The following LRP1B variants were observed in gnomAD, a reference collection of about 807,000 sequenced individuals.
LRP1B encodes the protein low-density lipoprotein receptor-related protein 1B.
LRP1B carries 217 observed loss-of-function variants against 556.6 expected under a neutral mutation model. That is an observed-to-expected ratio of 0.39 (90% CI 0.35 to 0.44). The LOEUF (loss-of-function observed/expected upper bound fraction) is 0.44, where lower values mean the gene tolerates loss of function less well. Ranked by LOEUF, LRP1B falls within the 20% of genes least tolerant of loss-of-function variation. The pLI is 1.00. For missense variants in LRP1B, 5,053 were observed against 5,620.8 expected (o/e 0.90, Z 3.23); for synonymous variants, 2,047 against 1,865.8 (o/e 1.10, Z -2.50).
At chr2:140,312,519 CA>C (rs1684345486) in intron 83 of LRP1B, among the ~76,000 whole-genome samples, 1 of 151,792 alleles carries the variant, frequency 6.6e-6, no homozygotes, top group Non-Finnish European at 1.5e-5. Context: ...CTGTTAACAG[CA>C]AAAATGTCTT....
At chr2:141,175,691 C>G (rs1680702334) in intron 7 of LRP1B, among the ~76,000 whole-genome samples, 1 of 152,102 alleles carries the variant, frequency 6.6e-6, no homozygotes, top group African/African-American at 2.4e-5. Context: ...AGCTCCCACA[C>G]AGAGTCCCCA....
intron 1 of LRP1B, among the ~76,000 whole-genome samples, chr2:141,971,219 A>C (rs1238058996): frequency 6.6e-6 from 1 of 151,532 alleles, no homozygotes; most frequent in Non-Finnish European, 1.5e-5. Context: ...GTCTCTTACT[A>C]ATATTTCACA....
intron 2 of LRP1B, among the ~76,000 whole-genome samples, chr2:141,504,885 T>C (rs1001468326): frequency 1.3e-5 from 2 of 152,152 alleles, no homozygotes; most frequent in Admixed American, 6.6e-5. Flanking sequence ...GACTTAGTTC[T>C]TCAGTCTCAC....
At chr2:141,531,805 G>A (rs1684884219) in intron 2 of LRP1B, among the ~76,000 whole-genome samples, 1 of 152,082 alleles carries the variant, frequency 6.6e-6, no homozygotes, top group African/African-American at 2.4e-5. Flanking sequence ...AATAAAAACT[G>A]TTGAATATAC....
intron 3 of LRP1B, among the ~76,000 whole-genome samples, chr2:141,314,907 T>C (rs939478573): frequency 1.4e-4 from 21 of 146,080 alleles, no homozygotes; most frequent in African/African-American, 4.7e-4. Context: ...TATATATATA[T>C]ATACACATAT....
chr2:141,515,987 C>T (rs1684300766), intron 2 of LRP1B, among the ~76,000 whole-genome samples: 2 of 152,238 alleles, frequency 1.3e-5, no homozygotes, highest in South Asian at 4.1e-4. Context: ...CATATATTGT[C>T]TGTGATGATT....
chr2:140,781,678 C>A (rs558129826), intron 32 of LRP1B, among the ~76,000 whole-genome samples: 27 of 152,240 alleles, frequency 1.8e-4, no homozygotes, highest in African/African-American at 5.5e-4. Context: ...AGAAAATAGT[C>A]ACGGTTCAAT....
At chr2:141,473,420 A>G (rs1297326556) in intron 3 of LRP1B, among the ~76,000 whole-genome samples, 1 of 152,166 alleles carries the variant, frequency 6.6e-6, no homozygotes, top group Non-Finnish European at 1.5e-5. Flanking sequence ...TATTCTTTCT[A>G]GAAATTGTTG....
chr2:141,890,899 T>C (rs368097255), intron 1 of LRP1B, among the ~76,000 whole-genome samples: 55 of 152,264 alleles, frequency 3.6e-4, no homozygotes, highest in African/African-American at 1.2e-3. Context: ...TATTACAAAA[T>C]GCTGGCTATG....
At chr2:140,272,894 A>C (rs549608846) in intron 85 of LRP1B, among the ~76,000 whole-genome samples, 3 of 152,078 alleles carry the variant, frequency 2.0e-5, no homozygotes, top group Admixed American at 6.6e-5. Context: ...TTATATATAC[A>C]TTTCCAAAAA....
chr2:140,551,346 G>T (rs1295474477), intron 43 of LRP1B, among the ~76,000 whole-genome samples: 2 of 152,148 alleles, frequency 1.3e-5, no homozygotes, highest in Non-Finnish European at 2.9e-5. Flanking sequence ...GCAAAGAGGA[G>T]GGGGACTGGG....
intron 7 of LRP1B, among the ~76,000 whole-genome samples, chr2:141,076,576 T>C (rs1350787654): frequency 6.6e-6 from 1 of 152,190 alleles, no homozygotes; most frequent in Non-Finnish European, 1.5e-5. Context: ...GCAATTCTTG[T>C]TTCTAAAATT....
intron 3 of LRP1B, among the ~76,000 whole-genome samples, chr2:141,394,643 A>T (rs1451489767): frequency 6.6e-6 from 1 of 152,092 alleles, no homozygotes; most frequent in East Asian, 1.9e-4. Flanking sequence ...GCACATGTGA[A>T]AGGAATTTTG....
At chr2:141,391,072 C>T (rs375204011) in intron 3 of LRP1B, among the ~76,000 whole-genome samples, 3 of 151,730 alleles carry the variant, frequency 2.0e-5, no homozygotes, top group Admixed American at 6.6e-5. Flanking sequence ...GAATGAAGGG[C>T]GGTTGAGGGG....
chr2:142,015,319 A>T lies in LRP1B; in HGVS notation c.82+115329T>A, dbSNP rs1217781935. Reference sequence around the variant, plus strand: ...TGGGGTTGGGAAATTGGCTAGCGATATGCAGAAAACTGAAACTGGACCCCT... The same window carrying T: ...TGGGGTTGGGAAATTGGCTAGCGATTTGCAGAAAACTGAAACTGGACCCCT... On this transcript the variant is annotated intron_variant, in intron 1 of 90. Coordinates refer to ENST00000389484, the MANE Select transcript of LRP1B (RefSeq NM_018557.3). 2.0e-5 allele frequency among the ~76,000 whole-genome samples: 3 copies of T among 152,334 alleles called. No individual in the cohort carries two copies. In the East Asian group the frequency reaches 5.8e-4, roughly 29 times the overall value.
At chr2:141,501,607 C>T (rs903949476) in intron 2 of LRP1B, among the ~76,000 whole-genome samples, 1 of 152,102 alleles carries the variant, frequency 6.6e-6, no homozygotes, top group African/African-American at 2.4e-5. Context: ...GTGGTGATAA[C>T]TTGGTTTTCT....
At chr2:141,958,273 C>A (rs1255222412) in intron 1 of LRP1B, among the ~76,000 whole-genome samples, 3 of 151,976 alleles carry the variant, frequency 2.0e-5, no homozygotes, top group African/African-American at 7.2e-5. Context: ...AGCTGGGTGG[C>A]ACAGTAAATG....
At chr2:140,510,588 C>T (rs917304353) in intron 51 of LRP1B, among the ~76,000 whole-genome samples, 6 of 152,156 alleles carry the variant, frequency 3.9e-5, no homozygotes, top group Non-Finnish European at 8.8e-5. Context: ...TTTGCATGCT[C>T]AACTGGGAGT....
chr2:140,600,666 A>C (rs1446036318), intron 42 of LRP1B, among the ~76,000 whole-genome samples: 1 of 150,970 alleles, frequency 6.6e-6, no homozygotes, highest in Non-Finnish European at 1.5e-5. Context: ...AATAAAAAGA[A>C]TTTTCTTATA....
Sources: allele counts gnomAD v4.1 joint callset (sites outside exome capture counted in the v4.1 genomes callset), GRCh38; gene constraint gnomAD v4.1.1; transcripts MANE v1.5; gene names NCBI Gene and HGNC (gene_info 2026-07-23, HGNC 2026-07-21).